Variants in CCDC171 observed in about 807,000 individuals in gnomAD.
CCDC171 encodes coiled-coil domain containing 171.
CCDC171 carries 177 observed loss-of-function variants against 168.2 expected under a neutral mutation model. That is an observed-to-expected ratio of 1.05 (90% CI 0.93 to 1.19). CCDC171 has a LOEUF of 1.19. Among genes scored for constraint, CCDC171 ranks in the 50% most tolerant of loss-of-function variants. CCDC171 has a pLI of 0.00. For synonymous variants in CCDC171, 687 were observed against 540.8 expected (o/e 1.27, Z -3.75); for missense variants, 1,991 against 1,539.0 (o/e 1.29, Z -4.91).
chr9:15,879,416 G>A (rs1043286163), intron 24 of CCDC171, among the ~76,000 whole-genome samples: 1 of 151,792 alleles, frequency 6.6e-6, no homozygotes, highest in African/African-American at 2.4e-5. Flanking sequence ...CTGTCCCCTC[G>A]AATGCTTTTC....
chr9:16,023,738 A>G (rs1833220246), intron 6 of CCDC171, among the ~76,000 whole-genome samples: 1 of 152,042 alleles, frequency 6.6e-6, no homozygotes. Flanking sequence ...ATGTTTCAGT[A>G]TTTGATCATC....
intron 6 of CCDC171, among the ~76,000 whole-genome samples, chr9:15,611,981 A>T (rs2043729975): frequency 6.6e-6 from 1 of 152,170 alleles, no homozygotes; most frequent in Non-Finnish European, 1.5e-5. Flanking sequence ...TGGTGCCTTT[A>T]TAAGGGACTG....
chr9:15,975,946 T>A (rs772101468), downstream of CCDC171, among the ~76,000 whole-genome samples: 4 of 152,016 alleles, frequency 2.6e-5, no homozygotes, highest in Non-Finnish European at 5.9e-5. Context: ...GGTATCTTTG[T>A]AAGAGAGGGA....
At chr9:16,077,940 A>G in the CCDC171 span, among the ~76,000 whole-genome samples, 3 of 152,184 alleles carry the variant, frequency 2.0e-5, no homozygotes, top group Non-Finnish European at 2.9e-5. Flanking sequence ...CAAATTTGCA[A>G]TTTATAAGAT....
At position 15,726,697 on chromosome 9, in the gene CCDC171, C is replaced by T. The variant is rs1285951589; in HGVS notation, c.1693-1172C>T. On this transcript the variant is annotated intron_variant, in intron 14 of 25. Coordinates refer to ENST00000380701, the MANE Select transcript of CCDC171 (RefSeq NM_173550.4). ...TTTGATATTTGTAAGAAAATGTTCT[C>T]TATAATTTCTAATTATAAAACTTTT... Among the ~76,000 whole-genome samples, 3 of 152,128 alleles carry T rather than the reference C, an allele frequency of 2.0e-5. No homozygotes were observed. The East Asian group carries it at 5.8e-4, about 29-fold the overall frequency.
chr9:15,905,942 G>C (rs1437274291), intron 24 of CCDC171, among the ~76,000 whole-genome samples: 1 of 152,050 alleles, frequency 6.6e-6, no homozygotes, highest in African/African-American at 2.4e-5. Context: ...ATGAATTCCT[G>C]GACACATACA....
At chr9:16,015,967 A>T (rs1169172162) in intron 3 of CCDC171, among the ~76,000 whole-genome samples, 1 of 152,206 alleles carries the variant, frequency 6.6e-6, no homozygotes, top group Non-Finnish European at 1.5e-5. Flanking sequence ...TTTAAGGCTG[A>T]ATAATATCCC....
intron 7 of CCDC171, among the ~76,000 whole-genome samples, chr9:15,653,416 A>G (rs2047683183): frequency 6.6e-6 from 1 of 152,076 alleles, no homozygotes; most frequent in South Asian, 2.1e-4. Context: ...TGTGGGGATT[A>G]CAAGTGTGAG....
At chr9:15,885,284 G>T (rs1392228496) in intron 24 of CCDC171, among the ~76,000 whole-genome samples, 1 of 152,064 alleles carries the variant, frequency 6.6e-6, no homozygotes, top group Non-Finnish European at 1.5e-5. Context: ...GTTCTAGGTG[G>T]CCCTAAGTAG....
At chr9:16,024,171 A>T (rs1365909383) in intron 6 of CCDC171, among the ~76,000 whole-genome samples, 1 of 152,126 alleles carries the variant, frequency 6.6e-6, no homozygotes, top group Admixed American at 6.5e-5. Flanking sequence ...CCTTGATTTT[A>T]GCCTTATAAG....
At chr9:15,909,903 C>G (rs938691759) in intron 24 of CCDC171, among the ~76,000 whole-genome samples, 1 of 151,974 alleles carries the variant, frequency 6.6e-6, no homozygotes, top group Middle Eastern at 3.2e-3. Flanking sequence ...GTGGTGAAGT[C>G]TGCTCTTTTA....
chr9:15,871,036 T>C (rs1166704767), intron 23 of CCDC171, among the ~76,000 whole-genome samples: 7 of 151,542 alleles, frequency 4.6e-5, no homozygotes, highest in Non-Finnish European at 7.4e-5. Context: ...TTATGATATG[T>C]CTATTAGAGA....
At chr9:15,971,312 C>A (rs1409548454) in intron 25 of CCDC171, among the ~76,000 whole-genome samples, 1 of 152,028 alleles carries the variant, frequency 6.6e-6, no homozygotes, top group East Asian at 1.9e-4. Flanking sequence ...AGGTAAAAAT[C>A]CCTGATTGTA....
intron 17 of CCDC171, 58 bp downstream of exon 17, chr9:15,744,835 C>G (rs2055157661): frequency 6.8e-7 from 1 of 1,476,576 alleles, no homozygotes; most frequent in Non-Finnish European, 9.1e-7. Context: ...TACAGTGTGA[C>G]TATACCTGGC....
intron 18 of CCDC171, among the ~76,000 whole-genome samples, chr9:15,772,849 T>C (rs928801837): frequency 2.0e-5 from 3 of 152,036 alleles, no homozygotes; most frequent in Admixed American, 6.6e-5. Flanking sequence ...ATGGAATAAA[T>C]TGGAGAAATA....
chr9:15,804,293 A>C (rs549337612), intron 21 of CCDC171, among the ~76,000 whole-genome samples: 5 of 152,070 alleles, frequency 3.3e-5, no homozygotes, highest in Non-Finnish European at 4.4e-5. Flanking sequence ...GAGAGAAGGC[A>C]ACCTTGTCTT....
At chr9:15,559,773 A>G (rs1371859927) in intron 1 of CCDC171, among the ~76,000 whole-genome samples, 1 of 152,092 alleles carries the variant, frequency 6.6e-6, no homozygotes. Context: ...TCCTGTCATT[A>G]TGATGTTAGC....
chr9:15,998,633 G>T (rs776098524), intron 3 of CCDC171, among the ~76,000 whole-genome samples: 1 of 152,146 alleles, frequency 6.6e-6, no homozygotes, highest in Non-Finnish European at 1.5e-5. Flanking sequence ...CTGATAGGTT[G>T]GACCTTCAGA....
intron 24 of CCDC171, among the ~76,000 whole-genome samples, chr9:15,896,542 G>T (rs957608527): frequency 5.9e-5 from 9 of 152,006 alleles, no homozygotes; most frequent in Non-Finnish European, 8.8e-5. Flanking sequence ...CAACAAAACA[G>T]CTGAACTACA....
Sources: allele counts gnomAD v4.1 joint callset (sites outside exome capture counted in the v4.1 genomes callset), GRCh38; gene constraint gnomAD v4.1.1; transcripts MANE v1.5; gene names NCBI Gene and HGNC (gene_info 2026-07-23, HGNC 2026-07-21).